Variants in COBLL1 observed in about 807,000 individuals in gnomAD.
COBLL1 encodes the protein cordon-bleu WH2 repeat protein like 1.
COBLL1 carries 50 observed loss-of-function variants against 94.8 expected under a neutral mutation model. That is an observed-to-expected ratio of 0.53 (90% CI 0.42 to 0.67). The LOEUF (loss-of-function observed/expected upper bound fraction) is 0.67, where lower values mean the gene tolerates loss of function less well. COBLL1 is among the 30% of genes least tolerant of loss of function. The probability of loss-of-function intolerance (pLI) is 0.00; values close to 1 mark genes in which losing one functional copy is unlikely to be tolerated. For synonymous variants in COBLL1, 448 were observed against 473.8 expected (o/e 0.95, Z 0.71); for missense variants, 1,362 against 1,348.7 (o/e 1.01, Z -0.15).
At chr2:164,815,110 A>C (rs185801616) in intron 2 of COBLL1, among the ~76,000 whole-genome samples, 28 of 152,220 alleles carry the variant, frequency 1.8e-4, no homozygotes, top group African/African-American at 6.5e-4. Context: ...AGAAATGCAT[A>C]CTTTCCAGGC....
intron 2 of COBLL1, among the ~76,000 whole-genome samples, chr2:164,755,346 T>A (rs1475967366): frequency 6.6e-6 from 1 of 152,030 alleles, no homozygotes; most frequent in South Asian, 2.1e-4. Context: ...ACCAGAAAAA[T>A]TTTTTGAGTC....
At chr2:164,760,996 G>A (rs1328952007) in intron 2 of COBLL1, among the ~76,000 whole-genome samples, 3 of 152,090 alleles carry the variant, frequency 2.0e-5, no homozygotes, top group Admixed American at 2.0e-4. Context: ...TCTATTTAAT[G>A]GCTAATTACT....
intron 7 of COBLL1, among the ~76,000 whole-genome samples, chr2:164,714,525 C>G (rs1017703014): frequency 6.6e-6 from 1 of 152,060 alleles, no homozygotes; most frequent in Non-Finnish European, 1.5e-5. Flanking sequence ...TGTGAATAAT[C>G]TAGAAGTTAA....
intron 2 of COBLL1, among the ~76,000 whole-genome samples, chr2:164,813,582 C>A (rs952465517): frequency 6.6e-6 from 1 of 151,990 alleles, no homozygotes; most frequent in African/African-American, 2.4e-5. Flanking sequence ...AACTCATAAG[C>A]TAATTATTAA....
At position 164,683,882 on chromosome 2, in the gene COBLL1, C is replaced by A; in HGVS notation, c.*2064G>T. ...ACTAAAGCTGAGCACGGGTTAGGACCCCTTTCTGCTGTTTTACACAAGGCT... is the reference window on the plus strand; with the variant it reads ...ACTAAAGCTGAGCACGGGTTAGGACACCTTTCTGCTGTTTTACACAAGGCT... On this transcript the variant is annotated 3_prime_UTR_variant, in exon 14 of 14. Transcript: ENST00000652658. 6.6e-6 allele frequency: 1 copy of A among 152,044 alleles called. No homozygotes were observed. The highest frequency in any genetic ancestry group is 1.9e-4 in the East Asian group (1 of 5,188). The allele number at this position is 152,044 out of a possible 1,614,324, so 9.4% of individuals were successfully genotyped here.
At chr2:164,818,568 T>C (rs959404697) in intron 2 of COBLL1, among the ~76,000 whole-genome samples, 3 of 147,958 alleles carry the variant, frequency 2.0e-5, no homozygotes, top group Admixed American at 6.8e-5. Context: ...TACACATATA[T>C]AGCATATATG....
chr2:164,832,944 G>C (rs1683142760), intron 2 of COBLL1, among the ~76,000 whole-genome samples: 1 of 152,154 alleles, frequency 6.6e-6, no homozygotes, highest in Admixed American at 6.5e-5. Context: ...TCGAGAGGTT[G>C]AGGTAGGAGA....
rs558684808 is a variant in COBLL1 at position 164,751,207 on chromosome 2, C to A, written c.42-7332G>T. On this transcript the variant is annotated intron_variant, in intron 2 of 13. Transcript: ENST00000652658. ...CATCGTGGCCCACTCTTCACATAGC[C>A]CTGCTTGGTCCCCATCACATTTATC... Among the ~76,000 whole-genome samples, 21 of 152,264 alleles carry A rather than the reference C, an allele frequency of 1.4e-4. 1 individual carries two copies. In the South Asian group the frequency reaches 4.4e-3, roughly 32 times the overall value.
Position 164,704,473 on chromosome 2 carries a change from G to T in COBLL1, c.1196C>A (p.Ala399Glu), listed in dbSNP as rs769140053. 8.7e-6 allele frequency: 14 copies of T among 1,613,506 alleles called. No individual in the cohort carries two copies. The African/African-American group carries it at 1.5e-4, about 17-fold the overall frequency. The change falls in exon 9 of 14, where the codon GCA (alanine) becomes GAA (glutamate). Residue 399 changes from alanine (A) to glutamate (E), a missense_variant. By Grantham distance (107) the Ala-to-Glu change is moderately radical. Transcript: ENST00000652658. ...DGVPPDSASE[A>E]NSPEELSSPA... The stretch of plus-strand genomic sequence containing the variant: ...GCTGGATAGCTCCTCAGGAGAGTTT[G>T]CTTCTGAAGCACTGTCTGGAGGAAC...
chr2:164,811,187 T>C (rs1684440628), intron 2 of COBLL1, among the ~76,000 whole-genome samples: 1 of 151,936 alleles, frequency 6.6e-6, no homozygotes, highest in Non-Finnish European at 1.5e-5. Context: ...TTTACATGTT[T>C]CTTCTCATGA....
Position 164,687,356 on chromosome 2 carries a change from G to A in COBLL1, c.3301-1324C>T, listed in dbSNP as rs114576244. On this transcript the variant is annotated intron_variant, in intron 13 of 13. Coordinates refer to ENST00000652658, the MANE Select transcript of COBLL1 (RefSeq NM_001365672.2). The stretch of plus-strand genomic sequence containing the variant: ...TGTACTTGACCCCACAGCCATATGA[G>A]CCACTTCTCAGCCACCATGTCTTCA... 1.7e-3 allele frequency: 1,229 copies of A among 714,836 alleles called. 1 individual carries two copies. The highest frequency in any genetic ancestry group is 2.8e-3 in the Non-Finnish European group (1,097 of 398,392). 44.3% of individuals were successfully genotyped at this position (714,836 alleles called of 1,614,324 possible).
intron 2 of COBLL1, among the ~76,000 whole-genome samples, chr2:164,832,631 G>A (rs1227472443): frequency 6.6e-6 from 1 of 152,096 alleles, no homozygotes; most frequent in African/African-American, 2.4e-5. Context: ...TATGTACAAA[G>A]GAATTTTCTA....
intron 7 of COBLL1, among the ~76,000 whole-genome samples, chr2:164,720,941 T>C (rs1272120116): frequency 6.6e-6 from 1 of 152,210 alleles, no homozygotes; most frequent in Non-Finnish European, 1.5e-5. Flanking sequence ...TAAGATGAGA[T>C]TTTATACCAC....
chr2:164,692,666 G>C, intron 12 of COBLL1: 1 of 262,258 alleles, frequency 3.8e-6, no homozygotes. Context: ...TAATTTTATT[G>C]TTCTTGAGTT....
intron 2 of COBLL1, among the ~76,000 whole-genome samples, chr2:164,789,924 C>T (rs564746108): frequency 3.7e-4 from 56 of 152,310 alleles, no homozygotes; most frequent in African/African-American, 1.3e-3. Flanking sequence ...ACTTCCAAAA[C>T]AGCCAGCTGA....
chr2:164,679,429 GA>G (rs895753114), downstream of COBLL1, among the ~76,000 whole-genome samples: 25 of 150,524 alleles, frequency 1.7e-4, no homozygotes, highest in Middle Eastern at 3.4e-3. Flanking sequence ...CATTGCAAAG[GA>G]AAAAAAAACT....
Position 164,680,859 on chromosome 2 carries a change from G to C in COBLL1, c.*5087C>G, listed in dbSNP as rs1011432307. 4 of 152,078 alleles carry C rather than the reference G, an allele frequency of 2.6e-5. No individual in the cohort carries two copies. Among genetic ancestry groups the C allele is most frequent in the African/African-American group, 9.7e-5 (4 of 41,398 alleles). The allele number at this position is 152,078 out of a possible 1,614,324, so 9.4% of individuals were successfully genotyped here. On this transcript the variant is annotated 3_prime_UTR_variant, in exon 14 of 14. Transcript: ENST00000652658. ...CAAATTTAATGACCTTCTGAAGGGG[G>C]TCTAGATGACTTTGACAGCTGGGCT...
At chr2:164,780,419 G>A (rs1688676818) in intron 2 of COBLL1, among the ~76,000 whole-genome samples, 1 of 151,964 alleles carries the variant, frequency 6.6e-6, no homozygotes, top group Admixed American at 6.6e-5. Flanking sequence ...AAAATTATTG[G>A]CCAACTTAAA....
intron 2 of COBLL1, among the ~76,000 whole-genome samples, chr2:164,788,143 T>C (rs1404454838): frequency 6.6e-6 from 1 of 152,234 alleles, no homozygotes; most frequent in East Asian, 1.9e-4. Context: ...CCAAACTTAG[T>C]ACTATGACTG....
Sources: allele counts gnomAD v4.1 joint callset (sites outside exome capture counted in the v4.1 genomes callset), GRCh38; gene constraint gnomAD v4.1.1; transcripts MANE v1.5; gene names NCBI Gene and HGNC (gene_info 2026-07-23, HGNC 2026-07-21).